The following AFAP1 variants were observed in gnomAD, a reference collection of about 807,000 sequenced individuals.
AFAP1 encodes the protein actin filament associated protein 1.
Under a neutral mutation model 93.9 loss-of-function variants are expected in AFAP1, and 75 were observed. The observed-to-expected ratio is 0.80, with a 90% CI of 0.66 to 0.97. AFAP1 has a LOEUF of 0.97. Ranked by LOEUF, AFAP1 falls within the 50% of genes least tolerant of loss-of-function variation. The pLI, the probability that AFAP1 is intolerant of heterozygous loss-of-function variation, is 0.00. For missense variants in AFAP1, 1,201 were observed against 1,050.8 expected (o/e 1.14, Z -1.98); for synonymous variants, 517 against 430.7 (o/e 1.20, Z -2.48).
At chr4:7,840,267 T>TGTGTGTGC (rs1553844337) in intron 5 of AFAP1, among the ~76,000 whole-genome samples, 9 of 144,820 alleles carry the variant, frequency 6.2e-5, no homozygotes, top group Admixed American at 1.4e-4. Flanking sequence ...TTGGGATGTG[T>TGTGTGTGC]GTGTGTGTGT....
intron 6 of AFAP1, among the ~76,000 whole-genome samples, chr4:7,831,816 G>C (rs757142641): frequency 6.6e-6 from 1 of 152,170 alleles, no homozygotes; most frequent in African/African-American, 2.4e-5. Context: ...GCATGGGATC[G>C]GGTGAAGAAA....
chr4:7,821,865 C>G (rs35161247), intron 6 of AFAP1, among the ~76,000 whole-genome samples: 40 of 151,960 alleles, frequency 2.6e-4, no homozygotes, highest in Non-Finnish European at 5.0e-4. Flanking sequence ...GAAAAAACAA[C>G]AGAGTGATGT....
intron 1 of AFAP1, among the ~76,000 whole-genome samples, chr4:7,928,479 C>T (rs1720894829): frequency 6.6e-6 from 1 of 152,142 alleles, no homozygotes; most frequent in East Asian, 1.9e-4. Flanking sequence ...CCTCCGCCTC[C>T]CGGGTTCAAG....
At chr4:7,809,885 G>C in intron 8 of AFAP1, 122 bp from the exon 9 acceptor site, 1 of 1,135,880 alleles carries the variant, frequency 8.8e-7, no homozygotes, top group Non-Finnish European at 1.2e-6. Flanking sequence ...TTAAAGACAG[G>C]GTCTCACTCT....
At chr4:7,869,285 G>A (rs530876091) in intron 2 of AFAP1, among the ~76,000 whole-genome samples, 5 of 152,314 alleles carry the variant, frequency 3.3e-5, no homozygotes, top group African/African-American at 1.2e-4. Context: ...ACTCATAGAT[G>A]GAAATGGCGG....
intron 4 of AFAP1, among the ~76,000 whole-genome samples, chr4:7,849,141 C>T (rs1487758338): frequency 1.3e-5 from 2 of 152,124 alleles, no homozygotes; most frequent in African/African-American, 2.4e-5. Context: ...GCAGACCCTG[C>T]CTTTTCGTTT....
chr4:7,880,753 G>A (rs926557265), intron 1 of AFAP1, among the ~76,000 whole-genome samples: 12 of 152,192 alleles, frequency 7.9e-5, no homozygotes, highest in Non-Finnish European at 1.0e-4. Flanking sequence ...CAAGACTGAG[G>A]AGGCTAAAGC....
At chr4:7,858,646 A>G (rs1044249026) in intron 3 of AFAP1, among the ~76,000 whole-genome samples, 1 of 152,214 alleles carries the variant, frequency 6.6e-6, no homozygotes, top group Non-Finnish European at 1.5e-5. Flanking sequence ...AGCAGAGGCC[A>G]GGCAGGAAAT....
At chr4:7,932,233 A>T (rs1056812034) in intron 1 of AFAP1, among the ~76,000 whole-genome samples, 17 of 90,566 alleles carry the variant, frequency 1.9e-4, no homozygotes, top group Non-Finnish European at 2.3e-4. Context: ...AAAACTTCAT[A>T]AAAAAAAATC....
intron 1 of AFAP1, among the ~76,000 whole-genome samples, chr4:7,905,865 A>C (rs6832352): frequency 1.3e-5 from 2 of 152,156 alleles, no homozygotes; most frequent in Non-Finnish European, 2.9e-5. Context: ...AACATTTACC[A>C]AACAGCCTGC....
At chr4:7,820,459 T>C (rs4234831) in intron 6 of AFAP1, among the ~76,000 whole-genome samples, 128,021 of 152,126 alleles carry the variant, frequency 0.84, 54,185 homozygotes, top group African/African-American at 0.92. Flanking sequence ...GAGAAGGACC[T>C]GGAGCCCGTT....
chr4:7,777,226 G>C (rs1169815545), intron 14 of AFAP1: 1 of 152,176 alleles, frequency 6.6e-6, no homozygotes, highest in Non-Finnish European at 1.5e-5. Flanking sequence ...AAATACACCT[G>C]ATACATTCAG....
At chr4:7,878,940 C>G (rs1474763513) in intron 1 of AFAP1, among the ~76,000 whole-genome samples, 1 of 152,144 alleles carries the variant, frequency 6.6e-6, no homozygotes, top group African/African-American at 2.4e-5. Flanking sequence ...AGGTTACGTT[C>G]AAATAACCTA....
chr4:7,819,304 T>C (rs555135598), intron 6 of AFAP1, 133 bp from the exon 7 acceptor site: 1 of 695,056 alleles, frequency 1.4e-6, no homozygotes, highest in East Asian at 3.0e-5. Flanking sequence ...TGGCTCTGAG[T>C]TCCAGCGTGC....
At position 7,799,143 on chromosome 4, in the gene AFAP1, C is replaced by G. The variant is rs139403297; in HGVS notation, c.1266+1299G>C. ...GCTGAGAGAGAACAAAAGCTTTGGC[C>G]GTGGTCAGGGTCTGCACAGAGCTGA... On this transcript the variant is annotated intron_variant, in intron 10 of 17. Transcript: ENST00000420658. 34 of 960,916 alleles carry G rather than the reference C, an allele frequency of 3.5e-5. No homozygotes were observed. The Admixed American group carries it at 2.1e-3, about 59-fold the overall frequency. 59.5% of individuals were successfully genotyped at this position (960,916 alleles called of 1,614,324 possible).
chr4:7,789,358 A>G (rs546476660), intron 11 of AFAP1, among the ~76,000 whole-genome samples: 4 of 152,174 alleles, frequency 2.6e-5, no homozygotes, highest in African/African-American at 9.6e-5. Context: ...TGGCCAAGAG[A>G]ACTGCCTCCC....
chr4:7,826,285 A>C, intron 6 of AFAP1, among the ~76,000 whole-genome samples: 1 of 152,230 alleles, frequency 6.6e-6, no homozygotes, highest in East Asian at 1.9e-4. Context: ...GGAGGCAAGG[A>C]AACAGAGTTT....
At chr4:7,880,611 G>A (rs1274096402) in intron 1 of AFAP1, among the ~76,000 whole-genome samples, 1 of 152,182 alleles carries the variant, frequency 6.6e-6, no homozygotes, top group African/African-American at 2.4e-5. Context: ...TGGTAACTGA[G>A]GCCCAGAGAA....
chr4:7,868,608 G>T lies in AFAP1; in HGVS notation c.225+14C>A, dbSNP rs1380537166. On this transcript the variant is annotated intron_variant, in intron 3 of 17. Transcript: ENST00000420658. Reference sequence around the variant, plus strand: ...TCCAGCGATGACCACTGAGATGGTGGGACCTTGACTCACCAGCCAGGGCTG... The same window carrying T: ...TCCAGCGATGACCACTGAGATGGTGTGACCTTGACTCACCAGCCAGGGCTG... The T allele has an allele frequency of 3.7e-6, 6 of 1,608,234 alleles. No homozygotes were observed. The highest frequency in any genetic ancestry group is 2.2e-5 in the East Asian group (1 of 44,702).
Sources: allele counts gnomAD v4.1 joint callset (sites outside exome capture counted in the v4.1 genomes callset), GRCh38; gene constraint gnomAD v4.1.1; transcripts MANE v1.5; gene names NCBI Gene and HGNC (gene_info 2026-07-23, HGNC 2026-07-21).